ACOX3: variants seen among roughly 807,000 people sequenced by gnomAD.
ACOX3 encodes the protein peroxisomal acyl-coenzyme A oxidase 3.
In ACOX3, 73 loss-of-function variants were observed where a neutral mutation model predicts 81.5. The ratio of observed to expected loss-of-function variants is 0.90; its 90% CI spans 0.74 to 1.09. The LOEUF is 1.09. Among genes scored for constraint, ACOX3 ranks in the 50% least tolerant of loss-of-function variants. The pLI is 0.00. For missense variants in ACOX3, 947 were observed against 928.0 expected, an observed-to-expected ratio of 1.02 and a Z score of -0.27; for synonymous variants, 387 against 375.1, an observed-to-expected ratio of 1.03 and a Z score of -0.37.
chr4:8,434,383 T>C (rs981769759), intron 1 of ACOX3, among the ~76,000 whole-genome samples: 2 of 152,250 alleles, frequency 1.3e-5, no homozygotes. Context: ...CCTGCTACAT[T>C]TCTTGGTTCC....
rs992575525 is a variant in ACOX3, at chr4:8,368,259, C to T, written c.1984-1179G>A. Among the ~76,000 whole-genome samples the T allele has an allele frequency of 6.6e-6, 1 of 152,244 alleles. No individual in the cohort carries two copies. Among genetic ancestry groups the T allele is most frequent in the Non-Finnish European group, 1.5e-5 (1 of 68,044 alleles). On this transcript the variant is annotated intron_variant, in intron 17 of 17. Transcript: ENST00000356406. The surrounding 1 kb of genome is among the most constrained non-coding windows in gnomAD (Gnocchi z 5.9). The stretch of plus-strand genomic sequence containing the variant: ...GGCCAGCACTCCCCTACGGGAGGTG[C>T]AGACTTCACTGCTCTCAGCCTAAGT...
At chr4:8,373,191 G>A (rs1465142206) in intron 16 of ACOX3, among the ~76,000 whole-genome samples, 2 of 152,256 alleles carry the variant, frequency 1.3e-5, no homozygotes, top group Non-Finnish European at 2.9e-5. Flanking sequence ...GGGCCTGGGT[G>A]TGTGCAGATC....
At chr4:8,374,008 G>A (rs1716604216) in intron 15 of ACOX3, 7 of 251,514 alleles carry the variant, frequency 2.8e-5, no homozygotes, top group South Asian at 1.6e-4. Flanking sequence ...GTGCATGGCA[G>A]GGGGCGCAGG....
rs543875066 is a variant in ACOX3, at chr4:8,384,711, C to T, written c.1538-3104G>A. On this transcript the variant is annotated intron_variant, in intron 13 of 17. Coordinates refer to ENST00000356406, the MANE Select transcript of ACOX3 (RefSeq NM_003501.3). The surrounding 1 kb of genome is among the most constrained non-coding windows in gnomAD (Gnocchi z 5.3). ...CCTTTCGGGTCTCGGTTTCCTCTCC[C>T]GTCTCTGGGTCCAGTCCCCTCTGCG... is the stretch of plus-strand genomic sequence containing the variant. 6.4e-4 allele frequency among the ~76,000 whole-genome samples: 97 copies of T among 152,302 alleles called. No homozygotes were observed. The highest frequency in any genetic ancestry group is 2.2e-3 in the African/African-American group (93 of 41,568).
At chr4:8,413,975 C>T (rs376140311) in intron 5 of ACOX3, among the ~76,000 whole-genome samples, 22 of 152,328 alleles carry the variant, frequency 1.4e-4, no homozygotes, top group African/African-American at 5.3e-4. Context: ...GAATCCACTA[C>T]GCATAGGCAG....
chr4:8,399,485 G>T lies in ACOX3; in HGVS notation c.873+71C>A. Reference sequence around the variant, plus strand: ...GTCTCCTTTCCAGGTGCAGGGAGGAGCACAGAGCCAGGCCCTGCAGAGGAA... The same window carrying T: ...GTCTCCTTTCCAGGTGCAGGGAGGATCACAGAGCCAGGCCCTGCAGAGGAA... On this transcript the variant is annotated intron_variant, in intron 8 of 17. Coordinates refer to ENST00000356406, the MANE Select transcript of ACOX3 (RefSeq NM_003501.3). The surrounding 1 kb of genome is among the most constrained non-coding windows in gnomAD (Gnocchi z 4.9). 7.4e-7 allele frequency: 1 copy of T among 1,344,892 alleles called. No individual in the cohort carries two copies. The highest frequency in any genetic ancestry group is 1.1e-6 in the Non-Finnish European group (1 of 943,928). The allele number at this position is 1,344,892 out of a possible 1,614,324, so 83.3% of individuals were successfully genotyped here. A position where few individuals can be genotyped will look rare whatever the true frequency, so the allele number is the denominator to read the frequency against.
At chr4:8,360,249 TTAAC>T in the ACOX3 span, among the ~76,000 whole-genome samples, 1 of 151,684 alleles carries the variant, frequency 6.6e-6, no homozygotes. Context: ...TGAAAGAGCT[TTAAC>T]TAATTGGTTT....
rs1722070531 is a variant in ACOX3 at position 8,414,063 on chromosome 4, G to T, written c.543+229C>A. On this transcript the variant is annotated intron_variant, in intron 5 of 17. Transcript: ENST00000356406. The surrounding 1 kb of genome is among the most constrained non-coding windows in gnomAD (Gnocchi z 6.1). ...CAAATTACACACAAATCCAAACCAC[G>T]ATCAATTCCCCATAAAGTTCATGGT... is the stretch of plus-strand genomic sequence containing the variant. Among the ~76,000 whole-genome samples the T allele has an allele frequency of 1.3e-5, 2 of 152,158 alleles. No homozygotes were observed. The highest frequency in any genetic ancestry group is 1.3e-4 in the Admixed American group (2 of 15,282).
At chr4:8,387,419 AC>A (rs1305138399) in intron 13 of ACOX3, among the ~76,000 whole-genome samples, 5 of 152,194 alleles carry the variant, frequency 3.3e-5, no homozygotes, top group Non-Finnish European at 7.3e-5. Flanking sequence ...CTCGGGTGTC[AC>A]GGGAGCAGTC....
At position 8,414,311 on chromosome 4, in the gene ACOX3, T is replaced by G. The variant is rs186510543; in HGVS notation, c.524A>C (p.His175Pro). Residue 175 changes from histidine (H) to proline (P), a missense_variant, in exon 5 of 18, where the codon CAC (histidine) becomes CCC (proline). Physicochemically the swap from His to Pro is moderately conservative, Grantham distance 77 (BLOSUM62 -2). Transcript: ENST00000356406. This position sits in a 1 kb window ranked among gnomAD's most constrained non-coding sequence, Gnocchi z 6.1. ...ACCTACCTCAGTGGCAGGATCGTAG[T>G]GGGCAGTTGTGCGAATGGCCTTGGT... ...SNTKAIRTTAHYDPATEEFII... is the reference protein window; with the variant it reads ...SNTKAIRTTAPYDPATEEFII... 6.2e-7 allele frequency: 1 copy of G among 1,614,076 alleles called. No individual in the cohort carries two copies. Among genetic ancestry groups the G allele is most frequent in the Admixed American group, 1.7e-5 (1 of 60,030 alleles).
At chr4:8,388,711 AGGAGGTGCG>A (rs1718597633) in intron 13 of ACOX3, among the ~76,000 whole-genome samples, 1 of 152,188 alleles carries the variant, frequency 6.6e-6, no homozygotes, top group South Asian at 2.1e-4. Flanking sequence ...GGCCGAGTGA[AGGAGGTGCG>A]GGAGGTGCGC....
downstream of ACOX3, among the ~76,000 whole-genome samples, chr4:8,361,438 A>C (rs1221761831): frequency 2.7e-5 from 4 of 149,158 alleles, no homozygotes; most frequent in Non-Finnish European, 3.0e-5. Flanking sequence ...AAAAAAAAAA[A>C]AAAAAAAAAA....
Position 8,381,665 on chromosome 4 carries a change from C to G in ACOX3, c.1538-58G>C. The G allele has an allele frequency of 7.5e-7, 1 of 1,337,192 alleles. No homozygotes were observed. The highest frequency in any genetic ancestry group is 1.1e-6 in the Non-Finnish European group (1 of 941,244). The allele number at this position is 1,337,192 out of a possible 1,614,324, so 82.8% of individuals were successfully genotyped here. A position where few individuals can be genotyped will look rare whatever the true frequency, so the allele number is the denominator to read the frequency against. On this transcript the variant is annotated intron_variant, in intron 13 of 17. Transcript: ENST00000356406. The surrounding 1 kb of genome is among the most constrained non-coding windows in gnomAD (Gnocchi z 4.3). ...ACAATAGAGAACACAGCATTTGTCA[C>G]AACTCACCCCCAGGGACAAGGCACT...
intron 1 of ACOX3, among the ~76,000 whole-genome samples, chr4:8,424,525 T>C (rs1371787193): frequency 6.6e-6 from 1 of 152,218 alleles, no homozygotes; most frequent in African/African-American, 2.4e-5. Context: ...AGTAGCAGTC[T>C]TAGTATCTGA....
rs1228526780 is a variant in ACOX3 at position 8,374,962 on chromosome 4, C to A, written c.1828+16G>T. 10 of 1,491,330 alleles carry A rather than the reference C, an allele frequency of 6.7e-6. No homozygotes were observed. The African/African-American group carries it at 1.1e-4, about 17-fold the overall frequency. 92.4% of individuals were successfully genotyped at this position (1,491,330 alleles called of 1,614,324 possible). ...GACTCTGGGGAGGACAGCAAGCCCG[C>A]AGTCAGAAGCCTCACCTCGGTAGAG... On this transcript the variant is annotated intron_variant, in intron 15 of 17. Transcript: ENST00000356406.
chr4:8,382,947 C>T lies in ACOX3; in HGVS notation c.1538-1340G>A, dbSNP rs544555846. Among the ~76,000 whole-genome samples the T allele has an allele frequency of 3.4e-5, 5 of 148,316 alleles. No individual in the cohort carries two copies. The highest frequency in any genetic ancestry group is 4.0e-4 in the East Asian group (2 of 4,976). On this transcript the variant is annotated intron_variant, in intron 13 of 17. Coordinates refer to ENST00000356406, the MANE Select transcript of ACOX3 (RefSeq NM_003501.3). The surrounding 1 kb of genome is among the most constrained non-coding windows in gnomAD (Gnocchi z 4.1). ...GCGGAGTTGCAGTGAGCCGAGATCG[C>T]GCCACTGCACTCCAGCCTGGGCGAC...
At chr4:8,356,169 C>T in the ACOX3 span, 1 of 258,940 alleles carries the variant, frequency 3.9e-6, no homozygotes, top group Non-Finnish European at 7.6e-6. Flanking sequence ...ACGCCAACAA[C>T]AGCAGGATGA....
At chr4:8,374,832 T>G (rs563564722) in intron 15 of ACOX3, 146 bp downstream of exon 15, 4 of 870,292 alleles carry the variant, frequency 4.6e-6, no homozygotes, top group East Asian at 5.7e-5. Context: ...ATTATGGAAC[T>G]GGGCTTCTCA....
chr4:8,402,917 G>A (rs1720526867), intron 7 of ACOX3, among the ~76,000 whole-genome samples: 1 of 152,174 alleles, frequency 6.6e-6, no homozygotes, highest in African/African-American at 2.4e-5. Flanking sequence ...GGGCCTGGAA[G>A]GGCCCCCCAA....
Sources: gnomAD v4.1 joint callset for allele counts (sites outside exome capture counted in the v4.1 genomes callset) on GRCh38, gnomAD v4.1.1 for gene constraint, Gnocchi (gnomAD v3.1) non-coding constraint, MANE v1.5 for transcripts, NCBI Gene and HGNC (gene_info 2026-07-23, HGNC 2026-07-21) for gene names.